The following CSMD1 variants were observed in gnomAD, a reference collection of about 807,000 sequenced individuals.
CSMD1 encodes the protein CUB and sushi domain-containing protein 1.
A neutral mutation model predicts 417.5 loss-of-function variants in CSMD1; 213 were observed. The ratio of observed to expected loss-of-function variants is 0.51; its 90% CI spans 0.46 to 0.57. The LOEUF (loss-of-function observed/expected upper bound fraction) is 0.57. CSMD1 is among the 20% of genes least tolerant of loss of function. The pLI is 0.00. For synonymous variants in CSMD1, 2,862 were observed against 1,736.8 expected, an observed-to-expected ratio of 1.65 and a Z score of -16.11; for missense variants, 6,923 against 4,529.7, an observed-to-expected ratio of 1.53 and a Z score of -15.17.
intron 3 of CSMD1, among the ~76,000 whole-genome samples, chr8:4,367,451 G>A (rs1477239006): frequency 6.6e-6 from 1 of 152,136 alleles, no homozygotes; most frequent in Non-Finnish European, 1.5e-5. Context: ...ATGATGTTTT[G>A]ATTAATGTAG....
chr8:3,289,023 G>T (rs1380602372), intron 25 of CSMD1, among the ~76,000 whole-genome samples: 1 of 145,994 alleles, frequency 6.8e-6, no homozygotes, highest in Non-Finnish European at 1.5e-5. Context: ...TCCCCTTCCT[G>T]TGTCCGTGTG....
Position 4,788,120 on chromosome 8 carries a change from G to A in CSMD1, c.86-150562C>T, listed in dbSNP as rs1001606596. On this transcript the variant is annotated intron_variant, in intron 1 of 69. Coordinates refer to ENST00000635120, the MANE Select transcript of CSMD1 (RefSeq NM_033225.6). The stretch of plus-strand genomic sequence containing the variant: ...CAGAAAGTCAGTGCAGGGTTGTAGT[G>A]TTGATGGGCTCTACTTCTGATCTTG... 2.6e-5 allele frequency: 42 copies of A among 1,603,862 alleles called. 2 individuals carry two copies. Among genetic ancestry groups the A allele is most frequent in the African/African-American group, 2.3e-4 (17 of 74,872 alleles).
At chr8:4,320,716 C>CA (rs1017497988) in intron 3 of CSMD1, among the ~76,000 whole-genome samples, 2 of 152,138 alleles carry the variant, frequency 1.3e-5, no homozygotes, top group Admixed American at 6.5e-5. Context: ...CATAGTATTC[C>CA]ATGGTGTGTA....
rs546674281 is a variant in CSMD1, at chr8:3,432,063, A to G, written c.1562-22458T>C. 1.1e-4 allele frequency among the ~76,000 whole-genome samples: 16 copies of G among 152,314 alleles called. No individual in the cohort carries two copies. The East Asian group carries it at 2.7e-3, about 26-fold the overall frequency. On this transcript the variant is annotated intron_variant, in intron 12 of 69. Coordinates refer to ENST00000635120, the MANE Select transcript of CSMD1 (RefSeq NM_033225.6). ...AAGTTCCTACTCTGAAAATTATAAC[A>G]TAATAATAGGGTCTGAGGAAAAGTC...
chr8:4,627,267 A>G (rs1802172712), intron 2 of CSMD1, among the ~76,000 whole-genome samples: 1 of 152,142 alleles, frequency 6.6e-6, no homozygotes, highest in African/African-American at 2.4e-5. Context: ...GGAAAGAAGA[A>G]AAAGTAAATC....
At position 3,588,722 on chromosome 8, in the gene CSMD1, G is replaced by C. The variant is rs536717211; in HGVS notation, c.1098-2462C>G. ...AGCGCAGACAACACAGGCAAAAACA[G>C]ACAAACGAGATGACATCAAACTAAA... On this transcript the variant is annotated intron_variant, in intron 8 of 69. Transcript: ENST00000635120. Among the ~76,000 whole-genome samples, 3 of 150,644 alleles carry C rather than the reference G, an allele frequency of 2.0e-5. No individual in the cohort carries two copies. The South Asian group carries it at 6.4e-4, about 32-fold the overall frequency.
At chr8:4,045,629 G>C (rs1185985489) in intron 3 of CSMD1, among the ~76,000 whole-genome samples, 1 of 152,178 alleles carries the variant, frequency 6.6e-6, no homozygotes, top group African/African-American at 2.4e-5. Context: ...ACATAGAAAA[G>C]GGGAAATTAG....
In CSMD1 at chr8:3,316,107, G is replaced by C. The variant is rs566663189; in HGVS notation, c.3632-7604C>G. On this transcript the variant is annotated intron_variant, in intron 23 of 69. Coordinates refer to ENST00000635120, the MANE Select transcript of CSMD1 (RefSeq NM_033225.6). ...GAACTTGGGGCAAGACCAGGATCAG[G>C]CACCTACATGGATGAACTGAAATAA... Among the ~76,000 whole-genome samples, 4 of 152,212 alleles carry C rather than the reference G, an allele frequency of 2.6e-5. No individual in the cohort carries two copies. The East Asian group carries it at 7.7e-4, about 29-fold the overall frequency.
At chr8:4,059,886 C>G (rs1387338964) in intron 3 of CSMD1, among the ~76,000 whole-genome samples, 5 of 151,280 alleles carry the variant, frequency 3.3e-5, no homozygotes, top group Admixed American at 2.0e-4. Flanking sequence ...TGGTACCATT[C>G]CTTCTGAAAC....
intron 3 of CSMD1, among the ~76,000 whole-genome samples, chr8:4,408,933 A>C (rs1183876928): frequency 6.6e-6 from 1 of 152,216 alleles, no homozygotes; most frequent in Non-Finnish European, 1.5e-5. Context: ...CAGAAATCAT[A>C]AATTTACATG....
intron 2 of CSMD1, among the ~76,000 whole-genome samples, chr8:4,601,507 G>C (rs1012542184): frequency 2.4e-4 from 37 of 152,152 alleles, no homozygotes; most frequent in African/African-American, 8.7e-4. Flanking sequence ...TAGACAAGGA[G>C]GGACAGAGAT....
chr8:3,907,898 G>A (rs564137679), intron 5 of CSMD1, among the ~76,000 whole-genome samples: 1 of 152,168 alleles, frequency 6.6e-6, no homozygotes, highest in Non-Finnish European at 1.5e-5. Flanking sequence ...ATATTTCAGG[G>A]ATTCTTGTCC....
At chr8:3,774,778 A>C (rs897924163) in intron 5 of CSMD1, among the ~76,000 whole-genome samples, 1 of 152,302 alleles carries the variant, frequency 6.6e-6, no homozygotes, top group East Asian at 1.9e-4. Flanking sequence ...AATATGGATG[A>C]CACAGTGTCC....
intron 2 of CSMD1, among the ~76,000 whole-genome samples, chr8:4,475,448 G>A (rs1450551026): frequency 6.6e-6 from 1 of 152,136 alleles, no homozygotes; most frequent in South Asian, 2.1e-4. Flanking sequence ...GGCATCATAT[G>A]GAAGGCAACC....
rs191509730 is a variant in CSMD1 at position 3,908,510 on chromosome 8, A to C, written c.818+89393T>G. On this transcript the variant is annotated intron_variant, in intron 5 of 69. Coordinates refer to ENST00000635120, the MANE Select transcript of CSMD1 (RefSeq NM_033225.6). ...GTATCCCCTGGTAAAAAAACAAAAC[A>C]AAACAAAACAAAAAAACTCCTAACC... Among the ~76,000 whole-genome samples the C allele has an allele frequency of 7.9e-4, 120 of 152,294 alleles. 1 individual carries two copies. The highest frequency in any genetic ancestry group is 3.4e-3 in the Middle Eastern group (1 of 294).
At chr8:3,850,530 A>G (rs1803826608) in intron 5 of CSMD1, among the ~76,000 whole-genome samples, 2 of 152,002 alleles carry the variant, frequency 1.3e-5, no homozygotes, top group Admixed American at 6.6e-5. Context: ...CCCCATCTCT[A>G]TTATGGATAC....
intron 4 of CSMD1, among the ~76,000 whole-genome samples, chr8:4,022,798 C>A (rs185198133): frequency 6.6e-6 from 1 of 152,062 alleles, no homozygotes; most frequent in Non-Finnish European, 1.5e-5. Context: ...ATTAAGCAAT[C>A]GTGTAAGTTA....
At chr8:3,363,792 C>G (rs1052349392) in intron 20 of CSMD1, among the ~76,000 whole-genome samples, 17 of 152,172 alleles carry the variant, frequency 1.1e-4, no homozygotes, top group African/African-American at 4.1e-4. Flanking sequence ...TAGAAGTTAG[C>G]ACTGAAGAAG....
At chr8:4,245,976 C>G (rs756006545) in intron 3 of CSMD1, among the ~76,000 whole-genome samples, 48 of 152,250 alleles carry the variant, frequency 3.2e-4, no homozygotes, top group Non-Finnish European at 6.3e-4. Flanking sequence ...GGGCCGTGGA[C>G]AGGGATGGTC....
Sources: allele counts gnomAD v4.1 joint callset (sites outside exome capture counted in the v4.1 genomes callset), GRCh38; gene constraint gnomAD v4.1.1; transcripts MANE v1.5; gene names NCBI Gene and HGNC (gene_info 2026-07-23, HGNC 2026-07-21).